The following ADGRL3 variants were observed in gnomAD, a reference collection of about 807,000 sequenced individuals.
The protein encoded by ADGRL3 is adhesion G protein-coupled receptor L3.
Under a neutral mutation model 153.5 loss-of-function variants are expected in ADGRL3, and 62 were observed. That is an observed-to-expected ratio of 0.40 (90% confidence interval 0.33 to 0.50). The LOEUF is 0.50. ADGRL3 is among the 20% of genes least tolerant of loss of function. The pLI is 0.47. For missense variants in ADGRL3, 1,641 were observed against 1,859.4 expected (o/e 0.88, Z 2.16); for synonymous variants, 710 against 672.5 (o/e 1.06, Z -0.86).
At chr4:61,896,812 C>T (rs375179298) in intron 11 of ADGRL3, among the ~76,000 whole-genome samples, 2 of 152,198 alleles carry the variant, frequency 1.3e-5, no homozygotes, top group East Asian at 1.9e-4. Context: ...TTTTTATGTC[C>T]TTTGATTTTA....
intron 9 of ADGRL3, among the ~76,000 whole-genome samples, chr4:61,820,758 G>A (rs1192109755): frequency 6.6e-6 from 1 of 152,068 alleles, no homozygotes; most frequent in Non-Finnish European, 1.5e-5. Context: ...TGGCAGATTT[G>A]TAAATAAGTA....
intron 2 of ADGRL3, among the ~76,000 whole-genome samples, chr4:61,418,726 TATTC>T: frequency 6.6e-6 from 1 of 150,998 alleles, no homozygotes; most frequent in Non-Finnish European, 1.5e-5. Context: ...TAAAATGATC[TATTC>T]ATTCACATTA....
chr4:61,641,575 C>T (rs1046560334), intron 5 of ADGRL3, among the ~76,000 whole-genome samples: 20 of 151,720 alleles, frequency 1.3e-4, no homozygotes, highest in Middle Eastern at 3.4e-3. Context: ...CTGAGAATGA[C>T]GATTTCCAAT....
At chr4:61,422,439 A>G (rs1163999904) in intron 2 of ADGRL3, among the ~76,000 whole-genome samples, 1 of 152,194 alleles carries the variant, frequency 6.6e-6, no homozygotes, top group Non-Finnish European at 1.5e-5. Flanking sequence ...GTATACTAAC[A>G]TATTCACAAA....
In ADGRL3 at chr4:61,733,008, G is replaced by T; in HGVS notation, c.853G>T (p.Ala285Ser). The part of the protein sequence containing the change: ...DGTGFVVYDG[A>S]LFFNKERTRN... ...CACAGGATTTGTAGTGTATGATGGA[G>T]CTTTGTTCTTCAACAAAGAGCGCAC... is the stretch of plus-strand genomic sequence containing the variant. Residue 285 changes from alanine to serine, a missense_variant, in exon 8 of 27, where the codon GCT becomes TCT. Physicochemically the swap from Ala to Ser is moderately conservative, Grantham distance 99. Transcript: ENST00000683033. The T allele has an allele frequency of 1.2e-6, 2 of 1,613,776 alleles. No individual in the cohort carries two copies. The highest frequency in any genetic ancestry group is 1.7e-5 in the Admixed American group (1 of 59,940).
At chr4:61,844,897 A>G (rs1369149533) in intron 9 of ADGRL3, among the ~76,000 whole-genome samples, 1 of 151,976 alleles carries the variant, frequency 6.6e-6, no homozygotes, top group Non-Finnish European at 1.5e-5. Context: ...ACACTGCACA[A>G]TTATTCTTCA....
chr4:61,205,991 C>G (rs747618492), intron 1 of ADGRL3, among the ~76,000 whole-genome samples: 3 of 152,144 alleles, frequency 2.0e-5, no homozygotes, highest in Non-Finnish European at 4.4e-5. Flanking sequence ...GTGACATGTG[C>G]TTATGGATTC....
At chr4:61,223,314 G>A (rs1302351414) in intron 1 of ADGRL3, among the ~76,000 whole-genome samples, 1 of 152,150 alleles carries the variant, frequency 6.6e-6, no homozygotes, top group African/African-American at 2.4e-5. Context: ...CTTTTATTAT[G>A]GCATTTTGAT....
At chr4:61,297,498 T>C (rs1266607089) in intron 1 of ADGRL3, among the ~76,000 whole-genome samples, 1 of 152,116 alleles carries the variant, frequency 6.6e-6, no homozygotes, top group Non-Finnish European at 1.5e-5. Flanking sequence ...AAAATGTGCA[T>C]TATTTTTAGT....
intron 5 of ADGRL3, among the ~76,000 whole-genome samples, chr4:61,615,056 T>A (rs2091840068): frequency 6.6e-6 from 1 of 152,086 alleles, no homozygotes. Context: ...AATCTCAGAA[T>A]ATAGAAAGAC....
chr4:61,810,139 CATAA>C (rs1051980760), intron 8 of ADGRL3, among the ~76,000 whole-genome samples: 10 of 152,096 alleles, frequency 6.6e-5, no homozygotes, highest in African/African-American at 2.2e-4. Flanking sequence ...TACATATTTT[CATAA>C]ATAAATAGCT....
intron 5 of ADGRL3, among the ~76,000 whole-genome samples, chr4:61,657,721 A>G (rs1398397209): frequency 2.0e-5 from 3 of 152,204 alleles, no homozygotes; most frequent in Non-Finnish European, 2.9e-5. Flanking sequence ...GCAAACAACA[A>G]TGAAACATTC....
intron 3 of ADGRL3, among the ~76,000 whole-genome samples, chr4:61,512,959 T>C (rs910612973): frequency 9.9e-5 from 15 of 152,102 alleles, no homozygotes; most frequent in African/African-American, 3.6e-4. Flanking sequence ...GTTGGGTTGC[T>C]AATAAAGACA....
Position 61,384,599 on chromosome 4 carries a change from T to C in ADGRL3, c.-174+1410T>C, listed in dbSNP as rs558253071. Among the ~76,000 whole-genome samples the C allele has an allele frequency of 3.3e-5, 5 of 152,110 alleles. No homozygotes were observed. The East Asian group carries it at 9.7e-4, about 29-fold the overall frequency. ...ATAATTACTACATTGGTTTCTTCAA[T>C]ATAAAATTAACCCTTCTAGATATAT... On this transcript the variant is annotated intron_variant, in intron 2 of 26. Transcript: ENST00000683033.
At chr4:61,477,097 C>A (rs1447879791) in intron 2 of ADGRL3, among the ~76,000 whole-genome samples, 2 of 152,154 alleles carry the variant, frequency 1.3e-5, no homozygotes, top group Admixed American at 6.5e-5. Context: ...AAAAAAGATT[C>A]ATAGCTTTTT....
chr4:61,532,536 G>GCA (rs1417871785), intron 4 of ADGRL3, among the ~76,000 whole-genome samples: 3 of 82,886 alleles, frequency 3.6e-5, no homozygotes, highest in Non-Finnish European at 7.2e-5. Context: ...CTGCATGCGC[G>GCA]CGCGCGCGCG....
intron 5 of ADGRL3, among the ~76,000 whole-genome samples, chr4:61,670,195 G>A (rs1180603570): frequency 1.3e-5 from 2 of 152,094 alleles, no homozygotes; most frequent in Admixed American, 1.3e-4. Context: ...TCAGGAGGCT[G>A]AGGCAGGAGA....
At chr4:61,918,066 G>T (rs989406346) in intron 13 of ADGRL3, among the ~76,000 whole-genome samples, 11 of 152,164 alleles carry the variant, frequency 7.2e-5, no homozygotes, top group African/African-American at 2.7e-4. Context: ...CCGAAGCTGG[G>T]TTACCATTTG....
At chr4:61,296,400 G>GTAAA (rs1454343315) in intron 1 of ADGRL3, among the ~76,000 whole-genome samples, 3 of 152,134 alleles carry the variant, frequency 2.0e-5, no homozygotes, top group African/African-American at 7.2e-5. Context: ...CCCTTTCATG[G>GTAAA]TAAATGTCTG....
Sources: allele counts gnomAD v4.1 joint callset (sites outside exome capture counted in the v4.1 genomes callset), GRCh38; gene constraint gnomAD v4.1.1; transcripts MANE v1.5; gene names NCBI Gene and HGNC (gene_info 2026-07-23, HGNC 2026-07-21).